AGBL4: variants seen among roughly 807,000 people sequenced by gnomAD.
AGBL4 encodes the protein cytosolic carboxypeptidase 6.
AGBL4 carries 58 observed loss-of-function variants against 66.4 expected under a neutral mutation model. That is an observed-to-expected ratio of 0.87 (90% CI 0.71 to 1.09). The LOEUF (loss-of-function observed/expected upper bound fraction) is 1.09, where lower values mean the gene tolerates loss of function less well. Among genes scored for constraint, AGBL4 ranks in the 50% least tolerant of loss-of-function variants. The pLI is 0.00. For missense variants in AGBL4, 579 were observed against 631.0 expected (o/e 0.92, Z 0.88); for synonymous variants, 234 against 222.9 (o/e 1.05, Z -0.44).
intron 3 of AGBL4, among the ~76,000 whole-genome samples, chr1:49,398,833 T>A (rs189842185): frequency 2.0e-5 from 3 of 152,332 alleles, no homozygotes; most frequent in Admixed American, 2.0e-4. Flanking sequence ...ACTTATCTTT[T>A]GTGTTACAAA....
At chr1:48,680,737 C>T (rs1203712748) in intron 6 of AGBL4, among the ~76,000 whole-genome samples, 1 of 152,150 alleles carries the variant, frequency 6.6e-6, no homozygotes, top group East Asian at 1.9e-4. Flanking sequence ...AATATATGTT[C>T]GGAGACTGTG....
intron 3 of AGBL4, among the ~76,000 whole-genome samples, chr1:49,262,842 A>G (rs941650708): frequency 2.0e-5 from 3 of 152,206 alleles, no homozygotes; most frequent in African/African-American, 7.2e-5. Flanking sequence ...GCTGTTATAA[A>G]GACACATGTA....
At chr1:48,710,210 TCATTCA>T (rs1646944469) in intron 6 of AGBL4, among the ~76,000 whole-genome samples, 1 of 152,000 alleles carries the variant, frequency 6.6e-6, no homozygotes, top group South Asian at 2.1e-4. Context: ...ATATGAACAC[TCATTCA>T]CATCAACAGG....
intron 3 of AGBL4, among the ~76,000 whole-genome samples, chr1:49,613,230 A>AT (rs1229288100): frequency 6.6e-6 from 1 of 151,918 alleles, no homozygotes; most frequent in African/African-American, 2.4e-5. Flanking sequence ...AGACTACTAG[A>AT]TGGGGGAGGA....
intron 6 of AGBL4, among the ~76,000 whole-genome samples, chr1:48,820,196 G>T (rs1646279731): frequency 6.6e-6 from 1 of 152,114 alleles, no homozygotes; most frequent in African/African-American, 2.4e-5. Flanking sequence ...CTATAGTTCT[G>T]AGTACTGTCT....
intron 4 of AGBL4, among the ~76,000 whole-genome samples, chr1:49,113,834 AT>A (rs560578429): frequency 3.1e-4 from 47 of 150,848 alleles, no homozygotes; most frequent in South Asian, 1.7e-3. Flanking sequence ...TTTTTGAAGA[AT>A]TTTTTTTTTC....
intron 5 of AGBL4, among the ~76,000 whole-genome samples, chr1:48,892,299 A>G (rs1651046385): frequency 6.6e-6 from 1 of 152,160 alleles, no homozygotes; most frequent in South Asian, 2.1e-4. Context: ...TTTAGGGCCA[A>G]CCCGAATCCA....
At chr1:49,078,626 C>T (rs757248620) in intron 4 of AGBL4, among the ~76,000 whole-genome samples, 1 of 152,198 alleles carries the variant, frequency 6.6e-6, no homozygotes, top group Non-Finnish European at 1.5e-5. Flanking sequence ...CTCCCCTAGA[C>T]CACTGCAGAT....
chr1:49,727,178 T>A (rs1347025926), intron 2 of AGBL4, among the ~76,000 whole-genome samples: 2 of 152,114 alleles, frequency 1.3e-5, no homozygotes, highest in African/African-American at 4.8e-5. Flanking sequence ...AGAATATTAA[T>A]GACATATTAA....
At chr1:48,806,587 T>G (rs926976411) in intron 6 of AGBL4, among the ~76,000 whole-genome samples, 8 of 152,212 alleles carry the variant, frequency 5.3e-5, no homozygotes, top group African/African-American at 1.9e-4. Flanking sequence ...TTCCTTGAGC[T>G]GAACTACCAC....
At chr1:49,898,782 C>T (rs1649471645) in intron 1 of AGBL4, among the ~76,000 whole-genome samples, 1 of 151,994 alleles carries the variant, frequency 6.6e-6, no homozygotes, top group Non-Finnish European at 1.5e-5. Flanking sequence ...TACTATCCAG[C>T]CATAAAAAAA....
chr1:48,617,184 T>C (rs1473316579), intron 9 of AGBL4, among the ~76,000 whole-genome samples: 1 of 152,234 alleles, frequency 6.6e-6, no homozygotes, highest in African/African-American at 2.4e-5. Context: ...AATTCATCTT[T>C]TTATGACTGT....
intron 9 of AGBL4, among the ~76,000 whole-genome samples, chr1:48,625,103 TCC>T (rs1645480461): frequency 1.8e-4 from 5 of 28,456 alleles, no homozygotes; most frequent in African/African-American, 3.5e-4. Flanking sequence ...CTTCCTTCCT[TCC>T]TTCCTTCCTT....
At chr1:48,762,908 C>T (rs1446215247) in intron 6 of AGBL4, among the ~76,000 whole-genome samples, 1 of 151,868 alleles carries the variant, frequency 6.6e-6, no homozygotes, top group Non-Finnish European at 1.5e-5. Flanking sequence ...TAGGTAAGGG[C>T]CTTAATCTCT....
At chr1:49,016,526 A>G (rs889779333) in intron 5 of AGBL4, among the ~76,000 whole-genome samples, 1 of 152,184 alleles carries the variant, frequency 6.6e-6, no homozygotes, top group Non-Finnish European at 1.5e-5. Context: ...TGTAAGAGGA[A>G]GAAAGCACAT....
At chr1:48,683,907 C>T (rs971727337) in intron 6 of AGBL4, among the ~76,000 whole-genome samples, 1 of 152,196 alleles carries the variant, frequency 6.6e-6, no homozygotes, top group Non-Finnish European at 1.5e-5. Context: ...GTCATCCTTC[C>T]AGTTTTGAGG....
At chr1:49,441,368 C>G (rs1646025788) in intron 3 of AGBL4, among the ~76,000 whole-genome samples, 1 of 151,968 alleles carries the variant, frequency 6.6e-6, no homozygotes, top group Non-Finnish European at 1.5e-5. Context: ...TGTTGCAGCT[C>G]CAGGAATTAA....
intron 1 of AGBL4, among the ~76,000 whole-genome samples, chr1:49,900,747 C>T (rs1248264691): frequency 1.3e-5 from 2 of 152,190 alleles, no homozygotes. Flanking sequence ...TCCTGGGACA[C>T]TCCTCTGATT....
chr1:49,729,051 G>A (rs892318628), intron 2 of AGBL4, among the ~76,000 whole-genome samples: 1 of 152,148 alleles, frequency 6.6e-6, no homozygotes, highest in Non-Finnish European at 1.5e-5. Flanking sequence ...ATGAACCGGG[G>A]AGGGCAGAGA....
Sources: gnomAD v4.1 joint callset for allele counts (sites outside exome capture counted in the v4.1 genomes callset) on GRCh38, gnomAD v4.1.1 for gene constraint, MANE v1.5 for transcripts, NCBI Gene and HGNC (gene_info 2026-07-23, HGNC 2026-07-21) for gene names.